RBM20: variants seen among roughly 807,000 people sequenced by gnomAD.
The protein encoded by RBM20 is RNA binding motif protein 20.
In RBM20, 51 loss-of-function variants were observed where a neutral mutation model predicts 110.1. The observed-to-expected ratio is 0.46, with a 90% CI of 0.37 to 0.59. The LOEUF (loss-of-function observed/expected upper bound fraction) is 0.59. Ranked by LOEUF, RBM20 falls within the 20% of genes least tolerant of loss-of-function variation. The probability of loss-of-function intolerance (pLI) is 0.00; values close to 1 mark genes in which losing one functional copy is unlikely to be tolerated. For missense variants in RBM20, 1,512 were observed against 1,574.9 expected (o/e 0.96, Z 0.68); for synonymous variants, 589 against 618.2 (o/e 0.95, Z 0.70).
At chr10:110,816,416 C>T (rs926872191) in intron 9 of RBM20, among the ~76,000 whole-genome samples, 3 of 150,560 alleles carry the variant, frequency 2.0e-5, no homozygotes, top group Admixed American at 1.3e-4. Context: ...TCTCCCTCCC[C>T]GCCACTGCAG....
In RBM20 at chr10:110,812,748, G is replaced by T. The variant is rs1359372013; in HGVS notation, c.2351G>T (p.Arg784Met). The T allele has an allele frequency of 5.8e-6, 9 of 1,551,632 alleles. No individual in the cohort carries two copies. The highest frequency in any genetic ancestry group is 7.0e-6 in the Non-Finnish European group (8 of 1,147,016). The change falls in exon 9 of 14, where the codon AGG becomes ATG. Residue 784 changes from arginine (R) to methionine (M), a missense_variant. Arg to Met is a moderately conservative substitution (Grantham distance 91). Transcript: ENST00000369519. ...QQQDAPGRSRRKDEARLRESR... is the reference protein window; with the variant it reads ...QQQDAPGRSRMKDEARLRESR... ...CAGGATGCCCCCGGGAGGTCCAGGA[G>T]GAAAGACGAGGCCAGGCTGCGGGAA...
chr10:110,668,080 C>T (rs565272801), intron 1 of RBM20, among the ~76,000 whole-genome samples: 3 of 152,308 alleles, frequency 2.0e-5, no homozygotes, highest in African/African-American at 7.2e-5. Flanking sequence ...TGTTCATCAC[C>T]AGGCTAAAAT....
intron 1 of RBM20, among the ~76,000 whole-genome samples, chr10:110,706,756 G>C (rs1280060853): frequency 6.6e-6 from 1 of 152,210 alleles, no homozygotes; most frequent in Non-Finnish European, 1.5e-5. Context: ...TAATCAAAGA[G>C]GGTTGGTTGT....
chr10:110,830,180 C>T (rs1845031455), intron 12 of RBM20, among the ~76,000 whole-genome samples: 1 of 152,202 alleles, frequency 6.6e-6, no homozygotes, highest in Admixed American at 6.5e-5. Flanking sequence ...CTTTCCACTC[C>T]ACTGACTGAC....
At chr10:110,784,497 C>A in intron 4 of RBM20, 65 bp downstream of exon 4, 1 of 1,195,434 alleles carries the variant, frequency 8.4e-7, no homozygotes, top group Non-Finnish European at 1.2e-6. Flanking sequence ...CACATTATGT[C>A]CTGTCTTTAA....
intron 1 of RBM20, among the ~76,000 whole-genome samples, chr10:110,736,823 G>A (rs1232228438): frequency 6.6e-6 from 1 of 152,110 alleles, no homozygotes; most frequent in East Asian, 1.9e-4. Context: ...GGTATTAAGA[G>A]GTGGAGCCTT....
chr10:110,672,575 G>T (rs1325672658), intron 1 of RBM20, among the ~76,000 whole-genome samples: 1 of 152,228 alleles, frequency 6.6e-6, no homozygotes, highest in South Asian at 2.1e-4. Context: ...GAAGCTGCGC[G>T]CTCGCGCCCC....
intron 1 of RBM20, among the ~76,000 whole-genome samples, chr10:110,659,749 T>C (rs1167958235): frequency 1.3e-5 from 2 of 149,424 alleles, no homozygotes; most frequent in Admixed American, 6.6e-5. Context: ...CCTCTTCCTC[T>C]TCTTCTTCCT....
chr10:110,789,387 C>T (rs1160829385), intron 5 of RBM20, among the ~76,000 whole-genome samples: 1 of 150,794 alleles, frequency 6.6e-6, no homozygotes, highest in Non-Finnish European at 1.5e-5. Flanking sequence ...TGTTTCGTTG[C>T]CTTGTTTGTT....
chr10:110,701,573 G>C (rs1862758258), intron 1 of RBM20, among the ~76,000 whole-genome samples: 1 of 152,100 alleles, frequency 6.6e-6, no homozygotes, highest in Non-Finnish European at 1.5e-5. Flanking sequence ...CTTATCTTGG[G>C]AAATGACTTT....
intron 1 of RBM20, among the ~76,000 whole-genome samples, chr10:110,661,861 A>G (rs1294091123): frequency 6.6e-6 from 1 of 152,066 alleles, no homozygotes; most frequent in East Asian, 1.9e-4. Context: ...AATACAAAAA[A>G]TTAGCCAGGC....
rs184312864 is a variant in RBM20 at position 110,831,122 on chromosome 10, G to A, written c.3513G>A (p.Thr1171=). ...GCAAGCTGTGTGGGCTGTTCTACAC[G>A]AGCGAGGAGACAGCAAAGATGAGCC... The part of the protein sequence containing the change: ...FYCKLCGLFY[T]SEETAKMSHC... Residue 1171 remains threonine, a synonymous_variant, in exon 13 of 14, where the codon ACG becomes ACA. Coordinates refer to ENST00000369519, the MANE Select transcript of RBM20 (RefSeq NM_001134363.3). 3.7e-5 allele frequency: 58 copies of A among 1,551,588 alleles called. No individual in the cohort carries two copies. The African/African-American group carries it at 5.2e-4, about 14-fold the overall frequency.
intron 9 of RBM20, among the ~76,000 whole-genome samples, chr10:110,814,633 T>A (rs1483442549): frequency 1.3e-5 from 2 of 152,080 alleles, no homozygotes; most frequent in Non-Finnish European, 2.9e-5. Context: ...GTATTTGGGA[T>A]TACAGGAGTG....
At chr10:110,667,467 G>T (rs1862195169) in intron 1 of RBM20, among the ~76,000 whole-genome samples, 1 of 152,208 alleles carries the variant, frequency 6.6e-6, no homozygotes, top group African/African-American at 2.4e-5. Context: ...CAGTGGGGAA[G>T]ATCCTGCCTC....
At chr10:110,663,194 G>T (rs1008783284) in intron 1 of RBM20, among the ~76,000 whole-genome samples, 3 of 152,092 alleles carry the variant, frequency 2.0e-5, no homozygotes, top group African/African-American at 7.2e-5. Flanking sequence ...CTGAGCTCAG[G>T]CAATCCACCT....
At chr10:110,651,224 C>A (rs969273700) in intron 1 of RBM20, among the ~76,000 whole-genome samples, 1 of 152,124 alleles carries the variant, frequency 6.6e-6, no homozygotes, top group African/African-American at 2.4e-5. Context: ...GGAATATGTC[C>A]CACATCAATT....
At chr10:110,699,871 C>T (rs1008138505) in intron 1 of RBM20, among the ~76,000 whole-genome samples, 19 of 152,232 alleles carry the variant, frequency 1.2e-4, no homozygotes, top group Non-Finnish European at 1.8e-4. Context: ...CTTGATCACA[C>T]GCACTGCCGT....
At chr10:110,735,041 C>T (rs559175760) in intron 1 of RBM20, among the ~76,000 whole-genome samples, 23 of 152,280 alleles carry the variant, frequency 1.5e-4, no homozygotes, top group African/African-American at 5.1e-4. Context: ...TAGGAGCCAT[C>T]TCAGTGAGCA....
At chr10:110,772,407 G>A (rs76429473) in intron 1 of RBM20, among the ~76,000 whole-genome samples, 3,877 of 152,296 alleles carry the variant, frequency 0.025, 159 homozygotes, top group African/African-American at 0.084. Context: ...ATACAGTCGC[G>A]GGTCGCATAA....
Sources: gnomAD v4.1 joint callset for allele counts (sites outside exome capture counted in the v4.1 genomes callset) on GRCh38, gnomAD v4.1.1 for gene constraint, MANE v1.5 for transcripts, NCBI Gene and HGNC (gene_info 2026-07-23, HGNC 2026-07-21) for gene names.